The following NEGR1 variants were observed in gnomAD, a reference collection of about 807,000 sequenced individuals.
The protein encoded by NEGR1 is IgLON family member 4.
In NEGR1, 10 loss-of-function variants were observed where a neutral mutation model predicts 40.9. The observed-to-expected ratio is 0.24, with a 90% CI of 0.15 to 0.42. NEGR1 has a LOEUF of 0.42. Among genes scored for constraint, NEGR1 ranks in the 10% least tolerant of loss-of-function variants. The probability of loss-of-function intolerance (pLI) is 1.00; values close to 1 mark genes in which losing one functional copy is unlikely to be tolerated. For missense variants in NEGR1, 352 were observed against 438.9 expected, an observed-to-expected ratio of 0.80 and a Z score of 1.77; for synonymous variants, 185 against 166.8, an observed-to-expected ratio of 1.11 and a Z score of -0.84.
intron 1 of NEGR1, 107 bp downstream of exon 1, chr1:72,282,212 G>A (rs1656282094): frequency 2.3e-6 from 3 of 1,276,702 alleles, no homozygotes; most frequent in South Asian, 2.9e-5. Flanking sequence ...TTTCCATGAT[G>A]AGCACCACCA....
intron 4 of NEGR1, among the ~76,000 whole-genome samples, chr1:71,631,676 A>T (rs1234492561): frequency 6.6e-6 from 1 of 151,866 alleles, no homozygotes; most frequent in Non-Finnish European, 1.5e-5. Flanking sequence ...TCACTTAGTG[A>T]AAAACAAGAC....
At chr1:71,919,432 A>G (rs1290927541) in intron 2 of NEGR1, among the ~76,000 whole-genome samples, 1 of 152,170 alleles carries the variant, frequency 6.6e-6, no homozygotes, top group Non-Finnish European at 1.5e-5. Context: ...TAAGTTGATA[A>G]TAGATGTTAC....
intron 6 of NEGR1, among the ~76,000 whole-genome samples, chr1:71,416,980 A>C (rs1646360245): frequency 6.6e-6 from 1 of 152,192 alleles, no homozygotes; most frequent in Admixed American, 6.5e-5. Context: ...TGAGGAGGTG[A>C]GGCTGACAGG....
At chr1:72,228,133 T>C (rs1012811429) in intron 1 of NEGR1, among the ~76,000 whole-genome samples, 1 of 152,114 alleles carries the variant, frequency 6.6e-6, no homozygotes. Context: ...ATTTTCTGTG[T>C]CAACTTGACT....
intron 2 of NEGR1, among the ~76,000 whole-genome samples, chr1:71,783,708 C>T (rs1001855724): frequency 6.6e-6 from 1 of 152,154 alleles, no homozygotes; most frequent in African/African-American, 2.4e-5. Context: ...AATTATGTTG[C>T]TTACTTTACT....
chr1:71,596,246 C>A (rs1467480329), intron 5 of NEGR1, among the ~76,000 whole-genome samples: 1 of 152,182 alleles, frequency 6.6e-6, no homozygotes, highest in African/African-American at 2.4e-5. Context: ...TACTCTCTGA[C>A]ACCAATAGAA....
intron 2 of NEGR1, among the ~76,000 whole-genome samples, chr1:71,908,314 G>A (rs191373585): frequency 6.6e-6 from 1 of 151,750 alleles, no homozygotes; most frequent in African/African-American, 2.4e-5. Flanking sequence ...ATTCTAACTT[G>A]ATGCAAACAT....
intron 2 of NEGR1, among the ~76,000 whole-genome samples, chr1:71,831,673 G>A (rs929329974): frequency 2.0e-5 from 3 of 151,910 alleles, no homozygotes; most frequent in Non-Finnish European, 2.9e-5. Flanking sequence ...ATTAGTGGAT[G>A]CTACAAAAAC....
At chr1:71,596,796 C>T (rs1649726895) in intron 5 of NEGR1, among the ~76,000 whole-genome samples, 1 of 152,166 alleles carries the variant, frequency 6.6e-6, no homozygotes, top group Non-Finnish European at 1.5e-5. Flanking sequence ...AAAACAGCCT[C>T]AGAAAGACTT....
At position 71,999,696 on chromosome 1, in the gene NEGR1, C is replaced by T. The variant is rs550568766; in HGVS notation, c.177-64385G>A. ...ATATATATACATACATATTTTTGTC[C>T]GGTCTCGGAGCCTTGACTTTACATG... On this transcript the variant is annotated intron_variant, in intron 1 of 6. Transcript: ENST00000357731. Among the ~76,000 whole-genome samples the T allele has an allele frequency of 2.8e-3, 250 of 90,096 alleles. 5 individuals carry two copies. The highest frequency in any genetic ancestry group is 5.2e-3 in the Admixed American group (35 of 6,754). The allele number at this position is 90,096 out of a possible 152,430, so 59.1% of individuals were successfully genotyped here. A position where few individuals can be genotyped will look rare whatever the true frequency, so the allele number is the denominator to read the frequency against.
At chr1:71,932,658 C>A (rs1464597794) in intron 2 of NEGR1, among the ~76,000 whole-genome samples, 2 of 152,056 alleles carry the variant, frequency 1.3e-5, no homozygotes, top group African/African-American at 4.8e-5. Context: ...TTTGTTTTTA[C>A]CAGCCAATGT....
rs1036222176 is a variant in NEGR1 at position 72,204,768 on chromosome 1, T to G, written c.176+77551A>C. ...ACTTCAAATCCATTATACAGAACAA[T>G]TAAGACCTTATGTTTAATTTCCAAA... On this transcript the variant is annotated intron_variant, in intron 1 of 6. Coordinates refer to ENST00000357731, the MANE Select transcript of NEGR1 (RefSeq NM_173808.3). Among the ~76,000 whole-genome samples, 5 of 152,144 alleles carry G rather than the reference T, an allele frequency of 3.3e-5. No homozygotes were observed. The South Asian group carries it at 8.3e-4, about 25-fold the overall frequency.
intron 4 of NEGR1, among the ~76,000 whole-genome samples, chr1:71,633,298 A>G (rs947611499): frequency 2.6e-5 from 4 of 152,066 alleles, no homozygotes; most frequent in Admixed American, 6.6e-5. Flanking sequence ...TCTCTTCAGT[A>G]ATTATATATT....
At chr1:72,084,093 T>C (rs1648111637) in intron 1 of NEGR1, among the ~76,000 whole-genome samples, 2 of 152,180 alleles carry the variant, frequency 1.3e-5, no homozygotes, top group African/African-American at 4.8e-5. Context: ...ATCGTCTTCA[T>C]AGTTTTCTTT....
At chr1:71,776,147 C>G (rs144850555) in intron 3 of NEGR1, 25 bp downstream of exon 3, 1 of 1,587,782 alleles carries the variant, frequency 6.3e-7, no homozygotes, top group East Asian at 2.3e-5. Flanking sequence ...ACAGCACAAA[C>G]AACACTAATG....
intron 1 of NEGR1, among the ~76,000 whole-genome samples, chr1:72,258,218 G>A (rs2100541487): frequency 6.6e-6 from 1 of 152,156 alleles, no homozygotes; most frequent in East Asian, 1.9e-4. Flanking sequence ...ACTCAAGGAG[G>A]TGGTAGGTGC....
chr1:71,436,549 C>T lies in NEGR1; in HGVS notation c.941-28979G>A, dbSNP rs534887758. 5.3e-5 allele frequency among the ~76,000 whole-genome samples: 8 copies of T among 152,246 alleles called. No homozygotes were observed. In the South Asian group the frequency reaches 1.7e-3, roughly 32 times the overall value. The stretch of plus-strand genomic sequence containing the variant: ...GCAAATGCAAAAGAAAGCATTTGTA[C>T]CATATGGAAATATTTTTAGAGAAAT... On this transcript the variant is annotated intron_variant, in intron 6 of 6. Transcript: ENST00000357731.
chr1:71,808,489 G>C (rs1035663142), intron 2 of NEGR1, among the ~76,000 whole-genome samples: 6 of 152,144 alleles, frequency 3.9e-5, no homozygotes, highest in Admixed American at 3.3e-4. Flanking sequence ...AGCCTGAGAA[G>C]AGAGGTTAGG....
At chr1:71,898,981 C>CATATATATATATAT (rs55674579) in intron 2 of NEGR1, among the ~76,000 whole-genome samples, 9 of 51,292 alleles carry the variant, frequency 1.8e-4, no homozygotes, top group South Asian at 6.5e-4. Flanking sequence ...ATATATATAG[C>CATATATATATATAT]ATATATATAT....
Sources: gnomAD v4.1 joint callset for allele counts (sites outside exome capture counted in the v4.1 genomes callset) on GRCh38, gnomAD v4.1.1 for gene constraint, MANE v1.5 for transcripts, NCBI Gene and HGNC (gene_info 2026-07-23, HGNC 2026-07-21) for gene names.